PCDHA7: variants seen among roughly 807,000 people sequenced by gnomAD.
PCDHA7 encodes protocadherin alpha-7.
A neutral mutation model predicts 57.2 loss-of-function variants in PCDHA7; 37 were observed. The ratio of observed to expected loss-of-function variants is 0.65; its 90% CI spans 0.50 to 0.85. The LOEUF (loss-of-function observed/expected upper bound fraction) is 0.85, where lower values mean the gene tolerates loss of function less well. Among genes scored for constraint, PCDHA7 ranks in the 40% least tolerant of loss-of-function variants. The probability of loss-of-function intolerance (pLI) is 0.00; values close to 1 mark genes in which losing one functional copy is unlikely to be tolerated. For synonymous variants in PCDHA7, 553 were observed against 558.8 expected (o/e 0.99, Z 0.15); for missense variants, 1,188 against 1,241.8 (o/e 0.96, Z 0.65).
intron 1 of PCDHA7, among the ~76,000 whole-genome samples, chr5:140,945,439 A>G (rs1291434553): frequency 6.6e-6 from 1 of 152,188 alleles, no homozygotes; most frequent in Non-Finnish European, 1.5e-5. Flanking sequence ...TTACAGAAAT[A>G]TAAAAAACTT....
intron 1 of PCDHA7, among the ~76,000 whole-genome samples, chr5:140,933,411 T>C (rs1174569571): frequency 6.6e-6 from 1 of 152,084 alleles, no homozygotes; most frequent in Non-Finnish European, 1.5e-5. Flanking sequence ...CATCTACAGA[T>C]ATTCTGTGTT....
chr5:140,843,113 G>A (rs1234618172), intron 1 of PCDHA7: 1 of 1,595,750 alleles, frequency 6.3e-7, no homozygotes, highest in Admixed American at 1.7e-5. Context: ...GCGCGCAGTG[G>A]ACGCCGACTC....
chr5:140,867,119 A>C (rs2049767402), intron 1 of PCDHA7: 1 of 152,142 alleles, frequency 6.6e-6, no homozygotes, highest in Admixed American at 6.5e-5. Context: ...ATATTGTTTT[A>C]ATTCAAATAT....
chr5:140,882,873 G>T, intron 1 of PCDHA7: 6 of 1,614,222 alleles, frequency 3.7e-6, no homozygotes, highest in Non-Finnish European at 5.1e-6. Flanking sequence ...ACACTGGACA[G>T]AGAGGAAATT....
rs782426631 is a variant in PCDHA7, at chr5:140,982,476, T to C, written c.2416T>C (p.Ser806Pro). Residue 806 changes from serine (S) to proline (P), a missense_variant and splice_region_variant, in exon 3 of 4, where the codon TCT becomes CCT. By Grantham distance (74) the Ser-to-Pro change is moderately conservative. Transcript: ENST00000525929. ...ATCTGGGTCTGTGTGTTTATTCAGC[T>C]CTGTGCACCTAGAGGAGGCTGGCAT... ...SASLRAGMHS[S>P]VHLEEAGILR... 3 of 1,614,064 alleles carry C rather than the reference T, an allele frequency of 1.9e-6. No homozygotes were observed. The highest frequency in any genetic ancestry group is 1.6e-4 in the Middle Eastern group (1 of 6,082).
intron 1 of PCDHA7, among the ~76,000 whole-genome samples, chr5:140,846,605 ACCT>A (rs1246547204): frequency 6.7e-6 from 1 of 148,178 alleles, no homozygotes; most frequent in East Asian, 1.9e-4. Context: ...CGATCTCCTG[ACCT>A]CCTGATCCGC....
rs905171455 is a variant in PCDHA7 at position 140,851,815 on chromosome 5, A to G, written c.2355+15077A>G. The G allele has an allele frequency of 3.6e-5, 34 of 956,734 alleles. 1 individual carries two copies. Among genetic ancestry groups the G allele is most frequent in the Non-Finnish European group, 5.1e-6 (4 of 790,598 alleles). The allele number at this position is 956,734 out of a possible 1,614,324, so 59.3% of individuals were successfully genotyped here. Reference sequence around the variant, plus strand: ...TTGTTCTGTCAGTAATCCATAAGACAGAAATCTGTTTTTTTAAAAATATCT... The same window carrying G: ...TTGTTCTGTCAGTAATCCATAAGACGGAAATCTGTTTTTTTAAAAATATCT... On this transcript the variant is annotated intron_variant, in intron 1 of 3. Coordinates refer to ENST00000525929, the MANE Select transcript of PCDHA7 (RefSeq NM_018910.3).
At position 140,997,506 on chromosome 5, in the gene PCDHA7, T is replaced by A. The variant is rs147089901; in HGVS notation, c.2504-12121T>A. On this transcript the variant is annotated intron_variant, in intron 3 of 3. Coordinates refer to ENST00000525929, the MANE Select transcript of PCDHA7 (RefSeq NM_018910.3). ...AAGTATTTGTGTATCTCAACATACC[T>A]AAACGCAGAAAAAGTACAATAAAAA... Among the ~76,000 whole-genome samples the A allele has an allele frequency of 4.4e-3, 665 of 152,304 alleles. 5 individuals are homozygous for A. Among genetic ancestry groups the A allele is most frequent in the African/African-American group, 0.015 (619 of 41,574 alleles).
chr5:140,857,383 C>T (rs781834606), intron 1 of PCDHA7: 2 of 1,598,150 alleles, frequency 1.3e-6, no homozygotes, highest in Admixed American at 1.7e-5. Context: ...TGGAGGTGGC[C>T]GACGTGAACG....
rs2150531861 is a variant in PCDHA7, at chr5:140,853,433, C to T, written c.2355+16695C>T. Reference sequence around the variant, plus strand: ...AGGTGAAAGCAGAAGAGACACTTTCCTATTTTGCCTAATAGGTCTCCTTAT... The same window carrying T: ...AGGTGAAAGCAGAAGAGACACTTTCTTATTTTGCCTAATAGGTCTCCTTAT... On this transcript the variant is annotated intron_variant, in intron 1 of 3. Coordinates refer to ENST00000525929, the MANE Select transcript of PCDHA7 (RefSeq NM_018910.3). The T allele has an allele frequency of 2.1e-5, 21 of 984,946 alleles. 3 individuals carry two copies. The highest frequency in any genetic ancestry group is 2.3e-5 in the Non-Finnish European group (19 of 817,128). 61.0% of individuals were successfully genotyped at this position (984,946 alleles called of 1,614,324 possible).
At chr5:140,882,588 A>T in intron 1 of PCDHA7, 7 of 1,614,186 alleles carry the variant, frequency 4.3e-6, no homozygotes, top group Non-Finnish European at 5.1e-6. Context: ...ATCCACCTGG[A>T]GGTGATCGTG....
intron 1 of PCDHA7, among the ~76,000 whole-genome samples, chr5:140,945,974 A>C (rs887994156): frequency 6.6e-5 from 10 of 152,146 alleles, no homozygotes; most frequent in African/African-American, 2.2e-4. Flanking sequence ...AATAAAAGCA[A>C]AAATAGACTA....
rs571904104 is a variant in PCDHA7, at chr5:140,891,379, AT to A, written c.2355+54644del. On this transcript the variant is annotated intron_variant, in intron 1 of 3. Transcript: ENST00000525929. ...ACCTGAGCAGTATACATTGCACCATATTTGCAATCTTTTATCCCTCGCCACC... is the reference window on the plus strand; with the variant it reads ...ACCTGAGCAGTATACATTGCACCATATTGCAATCTTTTATCCCTCGCCACC... Among the ~76,000 whole-genome samples, 7 of 151,980 alleles carry A rather than the reference AT, an allele frequency of 4.6e-5. No individual in the cohort carries two copies. In the South Asian group the frequency reaches 1.5e-3, roughly 32 times the overall value.
intron 1 of PCDHA7, among the ~76,000 whole-genome samples, chr5:140,908,560 C>T (rs1562965261): frequency 6.6e-6 from 1 of 152,198 alleles, no homozygotes; most frequent in Non-Finnish European, 1.5e-5. Context: ...AGGCCAAGAG[C>T]TGTCTCTCAA....
chr5:140,835,547 C>A lies in PCDHA7; in HGVS notation c.1164C>A (p.Ser388=). 2 of 1,613,960 alleles carry A rather than the reference C, an allele frequency of 1.2e-6. No homozygotes were observed. The highest frequency in any genetic ancestry group is 1.7e-6 in the Non-Finnish European group (2 of 1,179,882). Residue 388 remains serine, a synonymous_variant, in exon 1 of 4, where the codon TCC becomes TCA. Coordinates refer to ENST00000525929, the MANE Select transcript of PCDHA7 (RefSeq NM_018910.3). ...DFGVNGQVTC[S]LTPRVPFKLV... is the part of the protein sequence containing the mutation. ...GAGTCAACGGACAGGTTACCTGCTC[C>A]CTGACGCCCCGCGTTCCCTTCAAGT...
At chr5:140,903,329 G>A (rs2070195936) in intron 1 of PCDHA7, among the ~76,000 whole-genome samples, 1 of 152,160 alleles carries the variant, frequency 6.6e-6, no homozygotes, top group Non-Finnish European at 1.5e-5. Context: ...TTTTATTGAG[G>A]AAAGGATGCA....
intron 1 of PCDHA7, chr5:140,882,794 G>C: frequency 6.2e-7 from 1 of 1,614,188 alleles, no homozygotes; most frequent in Non-Finnish European, 8.5e-7. Context: ...GGATCCCAAC[G>C]ATTATTTCAC....
intron 3 of PCDHA7, among the ~76,000 whole-genome samples, chr5:140,999,630 A>G (rs2097866462): frequency 1.3e-5 from 2 of 152,210 alleles, no homozygotes; most frequent in Non-Finnish European, 2.9e-5. Context: ...GAAACAAGGT[A>G]GAGAAAACTG....
At chr5:140,877,536 T>A (rs1402880820) in intron 1 of PCDHA7, 1 of 1,613,730 alleles carries the variant, frequency 6.2e-7, no homozygotes, top group Non-Finnish European at 8.5e-7. Flanking sequence ...GCGCTGTGGA[T>A]CCCGAAGCGG....
Sources: allele counts gnomAD v4.1 joint callset (sites outside exome capture counted in the v4.1 genomes callset), GRCh38; gene constraint gnomAD v4.1.1; transcripts MANE v1.5; gene names NCBI Gene and HGNC (gene_info 2026-07-23, HGNC 2026-07-21).